The following FAT1 variants were observed in gnomAD, a reference collection of about 807,000 sequenced individuals.
FAT1 encodes the protein FAT atypical cadherin 1.
A neutral mutation model predicts 329.8 loss-of-function variants in FAT1; 171 were observed. The observed-to-expected ratio is 0.52, with a 90% CI of 0.46 to 0.59. The LOEUF is 0.59. FAT1 is among the 20% of genes least tolerant of loss of function. The pLI, the probability that FAT1 is intolerant of heterozygous loss-of-function variation, is 0.00. For missense variants in FAT1, 5,672 were observed against 5,774.4 expected (o/e 0.98, Z 0.57); for synonymous variants, 2,233 against 2,228.6 (o/e 1.00, Z -0.06).
At chr4:186,719,271 T>C (rs1198254886) in intron 1 of FAT1, among the ~76,000 whole-genome samples, 1 of 152,172 alleles carries the variant, frequency 6.6e-6, no homozygotes, top group Non-Finnish European at 1.5e-5. Context: ...TAAAATACCA[T>C]CAAACCTAAG....
rs374820315 is a variant in FAT1, at chr4:186,617,077, G to A, written c.9003C>T (p.Gly3001=). ...NYLLTITATD[G]TFSSKAIVEV... Reference sequence around the variant, plus strand: ...CAACTATCGCTTTTGATGAGAAGGTGCCATCAGTTGCCGTGATAGTAAGAA... The same window carrying A: ...CAACTATCGCTTTTGATGAGAAGGTACCATCAGTTGCCGTGATAGTAAGAA... The change falls in exon 11 of 27, where the codon GGC becomes GGT. Residue 3001 remains glycine (G), a synonymous_variant. Coordinates refer to ENST00000441802, the MANE Select transcript of FAT1 (RefSeq NM_005245.4). 5.0e-6 allele frequency: 8 copies of A among 1,613,826 alleles called. No individual in the cohort carries two copies. The highest frequency in any genetic ancestry group is 6.8e-6 in the Non-Finnish European group (8 of 1,179,868).
Position 186,619,546 on chromosome 4 carries a change from G to GTTCT in FAT1, c.7036_7039dup (p.Thr2347LysfsTer19). 1 of 1,613,902 alleles carries GTTCT rather than the reference G, an allele frequency of 6.2e-7. No homozygotes were observed. Among genetic ancestry groups the GTTCT allele is most frequent in the Non-Finnish European group, 8.5e-7 (1 of 1,179,894 alleles). On this transcript the variant is annotated frameshift_variant, in exon 10 of 27. Coordinates refer to ENST00000441802, the MANE Select transcript of FAT1 (RefSeq NM_005245.4). LOFTEE classifies it high-confidence loss of function. ...CTGCCGGGACTGCTCGTAATCCAGG[G>GTTCT]TTCTGAGTAGTGAGATGAGGCCAGT...
intron 3 of FAT1, among the ~76,000 whole-genome samples, chr4:186,660,258 G>A (rs535560792): frequency 6.6e-6 from 1 of 152,244 alleles, no homozygotes; most frequent in South Asian, 2.1e-4. Context: ...TGCTTTAAAG[G>A]TTGTAAGAAG....
intron 6 of FAT1, 96 bp from the exon 7 acceptor site, chr4:186,633,919 C>G (rs1219997567): frequency 8.2e-6 from 11 of 1,343,360 alleles, no homozygotes; most frequent in Non-Finnish European, 1.1e-5. Flanking sequence ...GAAAAATCTT[C>G]TAATATACTA....
At chr4:186,689,164 C>T (rs923750335) in intron 2 of FAT1, among the ~76,000 whole-genome samples, 3 of 152,166 alleles carry the variant, frequency 2.0e-5, no homozygotes, top group South Asian at 4.1e-4. Context: ...TGGACCTGGT[C>T]TAAATAAATC....
chr4:186,700,427 G>A (rs1011379988), intron 2 of FAT1, among the ~76,000 whole-genome samples: 3 of 152,172 alleles, frequency 2.0e-5, no homozygotes, highest in Non-Finnish European at 4.4e-5. Flanking sequence ...ATCTTGACTT[G>A]CTGACTGCCA....
chr4:186,705,110 T>TC (rs1401189120), intron 2 of FAT1, among the ~76,000 whole-genome samples: 1 of 149,650 alleles, frequency 6.7e-6, no homozygotes, highest in African/African-American at 2.5e-5. Context: ...CCCAGCATTT[T>TC]TTTTTTTTTT....
rs2126507367 is a variant in FAT1, at chr4:186,619,615, C to T, written c.6971G>A (p.Gly2324Glu). Residue 2324 changes from glycine (G) to glutamate (E), a missense_variant, in exon 10 of 27, where the codon GGG (glycine) becomes GAG (glutamate). By Grantham distance (98) the Gly-to-Glu change is moderately conservative (BLOSUM62 -2). Around this residue, in one of 2 missense-constraint regions of FAT1, gnomAD observed 3,966 missense variants for 3,915.2 expected, o/e 1.01. Transcript: ENST00000441802. ...ATGATCATGACTCTTGCTGTGATTC[C>T]CAAACATCTGGTATGAGATTCCTCT... ...PNRGISYQMF[G>E]NHSKSHDHFH... The T allele has an allele frequency of 6.2e-7, 1 of 1,613,906 alleles. No homozygotes were observed. Among genetic ancestry groups the T allele is most frequent in the Non-Finnish European group, 8.5e-7 (1 of 1,179,886 alleles).
rs2126498984 is a variant in FAT1, at chr4:186,618,793, G to A, written c.7793C>T (p.Ala2598Val). The A allele has an allele frequency of 6.2e-7, 1 of 1,613,994 alleles. No homozygotes were observed. Among genetic ancestry groups the A allele is most frequent in the Non-Finnish European group, 8.5e-7 (1 of 1,179,874 alleles). Residue 2598 changes from alanine (A) to valine (V), a missense_variant, in exon 10 of 27, where the codon GCA (alanine) becomes GTA (valine). Coordinates refer to ENST00000441802, the MANE Select transcript of FAT1 (RefSeq NM_005245.4). Reference sequence around the variant, plus strand: ...CCCGATATTCACTTCGTATTTGGTTGCTCGAAATTGTGGTGCATTGTCATT... The same window carrying A: ...CCCGATATTCACTTCGTATTTGGTTACTCGAAATTGTGGTGCATTGTCATT... The part of the protein sequence containing the change: ...DDNDNAPQFR[A>V]TKYEVNIGSS...
chr4:186,628,386 T>A (rs1336313901), intron 8 of FAT1, 22 bp from the exon 9 acceptor site: 1 of 1,610,708 alleles, frequency 6.2e-7, no homozygotes, highest in Non-Finnish European at 8.5e-7. Context: ...TGACACATTA[T>A]CAATCCCATT....
chr4:186,634,338 A>C (rs561660631), intron 6 of FAT1, among the ~76,000 whole-genome samples: 28 of 152,340 alleles, frequency 1.8e-4, no homozygotes, highest in African/African-American at 6.5e-4. Flanking sequence ...CATTTTTGAC[A>C]AACACAAAGC....
chr4:186,656,229 G>C (rs1327551835), intron 3 of FAT1, among the ~76,000 whole-genome samples: 1 of 152,224 alleles, frequency 6.6e-6, no homozygotes. Flanking sequence ...GCGTGACACA[G>C]ATGGTGGTGT....
intron 21 of FAT1, 102 bp from the exon 22 acceptor site, chr4:186,600,462 A>C (rs552809766): frequency 1.1e-6 from 1 of 932,536 alleles, no homozygotes; most frequent in African/African-American, 1.7e-5. Flanking sequence ...TGAGGGTAGA[A>C]GTTAGGCCTT....
chr4:186,636,949 G>C (rs768429628), intron 4 of FAT1, 35 bp from the exon 5 acceptor site: 18 of 1,521,666 alleles, frequency 1.2e-5, no homozygotes, highest in Non-Finnish European at 1.4e-5. Flanking sequence ...AACATGTTAA[G>C]ATATACTATA....
At chr4:186,642,904 G>A (rs144627599) in intron 3 of FAT1, among the ~76,000 whole-genome samples, 4 of 152,324 alleles carry the variant, frequency 2.6e-5, no homozygotes, top group East Asian at 3.9e-4. Context: ...AAAGGCAGAC[G>A]ATTTTAAGGA....
rs2126390615 is a variant in FAT1, at chr4:186,596,827, T to G, written c.12713A>C (p.Asn4238Thr). 6.2e-7 allele frequency: 1 copy of G among 1,614,024 alleles called. No homozygotes were observed. Among genetic ancestry groups the G allele is most frequent in the South Asian group, 1.1e-5 (1 of 91,084 alleles). Residue 4238 changes from asparagine to threonine, a missense_variant, in exon 25 of 27, where the codon AAT becomes ACT. Physicochemically the swap from Asn to Thr is moderately conservative, Grantham distance 65 (BLOSUM62 0). Transcript: ENST00000441802. The surrounding 1 kb of genome is among the most constrained non-coding windows in gnomAD (Gnocchi z 4.7). ...LQRPYFDSKLNKNIYSDIPPQ... is the reference protein window; with the variant it reads ...LQRPYFDSKLTKNIYSDIPPQ... ...TGGTATGTCTGAGTAAATGTTCTTA[T>G]TTAGCTTGGAATCAAAATACGGTCT...
chr4:186,606,591 C>T (rs1739149305), intron 16 of FAT1, among the ~76,000 whole-genome samples: 2 of 152,108 alleles, frequency 1.3e-5, no homozygotes, highest in African/African-American at 4.8e-5. Context: ...TTCCTTAGGG[C>T]CCCAAGTTTG....
At position 186,614,336 on chromosome 4, in the gene FAT1, A is replaced by G. The variant is rs41278603; in HGVS notation, c.9084T>C (p.Tyr3028=). The stretch of plus-strand genomic sequence containing the variant: ...GGACGTCTTCAGGAATAGTGTCTGA[A>G]TATAAAGTCTGCAAAGAGTTTAAAC... ...DNSPVCEKTL[Y]SDTIPEDVLP... Residue 3028 remains tyrosine, a synonymous_variant, in exon 12 of 27, where the codon TAT becomes TAC. Transcript: ENST00000441802. 6.5e-7 allele frequency: 1 copy of G among 1,546,564 alleles called. No individual in the cohort carries two copies. The highest frequency in any genetic ancestry group is 8.7e-7 in the Non-Finnish European group (1 of 1,153,608).
At chr4:186,650,020 C>T (rs1019425795) in intron 3 of FAT1, among the ~76,000 whole-genome samples, 6 of 152,144 alleles carry the variant, frequency 3.9e-5, no homozygotes, top group African/African-American at 1.4e-4. Context: ...TTGTTAGTGT[C>T]TTCACTTGAA....
Sources: gnomAD v4.1 joint callset for allele counts (sites outside exome capture counted in the v4.1 genomes callset) on GRCh38, gnomAD v4.1.1 for gene constraint, gnomAD v4.1.1 regional missense constraint, Gnocchi (gnomAD v3.1) non-coding constraint, MANE v1.5 for transcripts, NCBI Gene and HGNC (gene_info 2026-07-23, HGNC 2026-07-21) for gene names.